The following XIRP2 variants were observed in gnomAD, a reference collection of about 807,000 sequenced individuals.
XIRP2 encodes xin actin binding repeat containing 2, also known as xin actin-binding repeat-containing protein 2.
A neutral mutation model predicts 277.0 loss-of-function variants in XIRP2; 236 were observed. That is an observed-to-expected ratio of 0.85 (90% CI 0.77 to 0.95). XIRP2 has a LOEUF of 0.95. Ranked by LOEUF, XIRP2 falls within the 40% of genes least tolerant of loss-of-function variation. XIRP2 has a pLI of 0.00. For missense variants in XIRP2, 4,640 were observed against 4,157.5 expected (o/e 1.12, Z -3.19); for synonymous variants, 1,490 against 1,416.5 (o/e 1.05, Z -1.17).
In XIRP2 at chr2:167,244,559, A is replaced by G. The variant is rs377613730; in HGVS notation, c.3167A>G (p.Lys1056Arg). The G allele has an allele frequency of 3.1e-6, 5 of 1,612,818 alleles. No individual in the cohort carries two copies. The highest frequency in any genetic ancestry group is 4.2e-6 in the Non-Finnish European group (5 of 1,179,572). ...EIQTGNVKSA[K>R]WLFETQPLDS... ...CAGACTGGAAATGTGAAATCTGCCA[A>G]ATGGTTGTTTGAAACCCAACCTCTT... Residue 1056 changes from lysine to arginine, a missense_variant, in exon 9 of 11, where the codon AAA becomes AGA. Transcript: ENST00000409195.
chr2:167,139,925 G>C lies in XIRP2; in HGVS notation c.562+3863G>C, dbSNP rs16853010. ...GTAAATCGTCATGATATTGGAAGCT[G>C]ACATTCGTCCAATGAGCTGTCTACC... On this transcript the variant is annotated intron_variant, in intron 3 of 10. Coordinates refer to ENST00000409195, the MANE Select transcript of XIRP2 (RefSeq NM_152381.6). Among the ~76,000 whole-genome samples the C allele has an allele frequency of 7.2e-3, 1,097 of 152,280 alleles. 15 individuals carry two copies. Among genetic ancestry groups the C allele is most frequent in the African/African-American group, 0.025 (1,038 of 41,560 alleles).
At chr2:167,214,134 G>GAAGGAAGGAAGGAAGGAAGC (rs376588444) in intron 4 of XIRP2, among the ~76,000 whole-genome samples, 4 of 112,102 alleles carry the variant, frequency 3.6e-5, no homozygotes, top group African/African-American at 4.2e-5. Flanking sequence ...AGGAAGGAAG[G>GAAGGAAGGAAGGAAGGAAGC]AAGCAAAGAG....
At chr2:167,077,075 C>T (rs1205088762) in intron 2 of XIRP2, among the ~76,000 whole-genome samples, 2 of 152,144 alleles carry the variant, frequency 1.3e-5, no homozygotes, top group Admixed American at 1.3e-4. Flanking sequence ...TGCTCACAAA[C>T]TCCTGAGCTC....
At chr2:167,240,766 C>A in intron 7 of XIRP2, 30 bp downstream of exon 7, 1 of 1,565,578 alleles carries the variant, frequency 6.4e-7, no homozygotes, top group Non-Finnish European at 8.8e-7. Flanking sequence ...GGTTCCAATA[C>A]TCCTTTCTCC....
At position 167,251,126 on chromosome 2, in the gene XIRP2, A is replaced by G. The variant is rs753011688; in HGVS notation, c.9734A>G (p.Asn3245Ser). The change falls in exon 9 of 11, where the codon AAT becomes AGT. Residue 3245 changes from asparagine to serine, a missense_variant. Physicochemically the swap from Asn to Ser is conservative, Grantham distance 46. Transcript: ENST00000409195. The stretch of plus-strand genomic sequence containing the variant: ...ACAATCACAATACCAGTAAATATAA[A>G]TCATGCTGCTAGTGGTTCCTTCAGA... ...PPTITIPVNI[N>S]HAASGSFRES... The G allele has an allele frequency of 6.2e-7, 1 of 1,613,510 alleles. No homozygotes were observed. Among genetic ancestry groups the G allele is most frequent in the South Asian group, 1.1e-5 (1 of 91,084 alleles).
In XIRP2 at chr2:167,250,143, G is replaced by A. The variant is rs1382007672; in HGVS notation, c.8751G>A (p.Lys2917=). Residue 2917 remains lysine (K), a synonymous_variant, in exon 9 of 11, where the codon AAG becomes AAA. Transcript: ENST00000409195. ...TCTTCTCTAATACTAAAGATTCAAAGCAAGAGATTACACAGAACAAATCTT... is the reference window on the plus strand; with the variant it reads ...TCTTCTCTAATACTAAAGATTCAAAACAAGAGATTACACAGAACAAATCTT... ...KQVFSNTKDS[K]QEITQNKSFF... The A allele has an allele frequency of 5.0e-6, 8 of 1,613,052 alleles. No homozygotes were observed. Among genetic ancestry groups the A allele is most frequent in the Non-Finnish European group, 6.8e-6 (8 of 1,179,596 alleles).
chr2:166,904,481 G>A (rs1362025973), intron 2 of XIRP2, among the ~76,000 whole-genome samples: 1 of 152,124 alleles, frequency 6.6e-6, no homozygotes, highest in East Asian at 1.9e-4. Flanking sequence ...TTTGTGGTAG[G>A]TGATGATCAT....
intron 2 of XIRP2, among the ~76,000 whole-genome samples, chr2:166,934,911 G>C (rs1574091485): frequency 2.0e-5 from 3 of 152,026 alleles, no homozygotes; most frequent in Admixed American, 2.0e-4. Flanking sequence ...CACACCTGTA[G>C]TCTCAGCTAG....
At chr2:166,996,230 C>T (rs951436255) in intron 2 of XIRP2, among the ~76,000 whole-genome samples, 2 of 152,138 alleles carry the variant, frequency 1.3e-5, no homozygotes, top group East Asian at 1.9e-4. Context: ...ACTAGTAAAT[C>T]GAAAGAGGAT....
intron 2 of XIRP2, among the ~76,000 whole-genome samples, chr2:166,940,305 T>C (rs527615173): frequency 2.6e-5 from 4 of 152,372 alleles, no homozygotes; most frequent in African/African-American, 9.6e-5. Context: ...ATCATGTCAT[T>C]TAATGACTTC....
intron 3 of XIRP2, among the ~76,000 whole-genome samples, chr2:167,149,313 G>A (rs940190176): frequency 1.3e-5 from 2 of 152,000 alleles, no homozygotes; most frequent in Non-Finnish European, 2.9e-5. Flanking sequence ...CTTTCAACTG[G>A]GGTCTCAAAA....
At chr2:167,233,335 A>G (rs958027023) in intron 5 of XIRP2, among the ~76,000 whole-genome samples, 2 of 151,974 alleles carry the variant, frequency 1.3e-5, no homozygotes, top group Non-Finnish European at 2.9e-5. Context: ...TAAGGCAATC[A>G]AGAGCCATTG....
At chr2:166,945,583 A>C (rs1438009545) in intron 2 of XIRP2, among the ~76,000 whole-genome samples, 3 of 151,976 alleles carry the variant, frequency 2.0e-5, no homozygotes, top group Non-Finnish European at 4.4e-5. Context: ...GATTTGGTAT[A>C]AGAGGACTAA....
At chr2:166,903,922 A>G (rs1684451755) in intron 2 of XIRP2, 32 bp downstream of exon 2, 1 of 1,585,840 alleles carries the variant, frequency 6.3e-7, no homozygotes, top group South Asian at 1.1e-5. Context: ...GTCTATGTTT[A>G]CATATGACTT....
chr2:166,987,122 A>G (rs975704762), intron 2 of XIRP2, among the ~76,000 whole-genome samples: 6 of 152,150 alleles, frequency 3.9e-5, no homozygotes, highest in African/African-American at 1.4e-4. Flanking sequence ...CATCTAGCTC[A>G]TGTCAGCAAT....
rs775012997 is a variant in XIRP2, at chr2:167,248,500, C to T, written c.7108C>T (p.Pro2370Ser). ...SSMFLPPPPPPTPSQKPAHLL... is the reference protein window; with the variant it reads ...SSMFLPPPPPSTPSQKPAHLL... Reference sequence around the variant, plus strand: ...GATGTTTCTGCCGCCTCCTCCTCCTCCAACTCCATCTCAAAAGCCAGCACA... The same window carrying T: ...GATGTTTCTGCCGCCTCCTCCTCCTTCAACTCCATCTCAAAAGCCAGCACA... The change falls in exon 9 of 11, where the codon CCA (proline) becomes TCA (serine). Residue 2370 changes from proline (P) to serine (S), a missense_variant. Coordinates refer to ENST00000409195, the MANE Select transcript of XIRP2 (RefSeq NM_152381.6). 1.9e-6 allele frequency: 3 copies of T among 1,613,752 alleles called. No homozygotes were observed. The highest frequency in any genetic ancestry group is 2.5e-6 in the Non-Finnish European group (3 of 1,179,814).
Position 167,243,783 on chromosome 2 carries a change from G to GTCC in XIRP2, c.2391_2392insTCC (p.Met797_Glu798insSer), listed in dbSNP as rs1695156112. 3 of 1,613,890 alleles carry GTCC rather than the reference G, an allele frequency of 1.9e-6. No individual in the cohort carries two copies. Among genetic ancestry groups the GTCC allele is most frequent in the Non-Finnish European group, 2.5e-6 (3 of 1,179,960 alleles). The stretch of plus-strand genomic sequence containing the variant: ...TTAAAGTTGTCCGAGGAATATCCAT[G>GTCC]GAAGAAAATGTCAAAGGTGGGGTGA... On this transcript the variant is annotated inframe_insertion, in exon 9 of 11. Coordinates refer to ENST00000409195, the MANE Select transcript of XIRP2 (RefSeq NM_152381.6).
chr2:167,174,381 G>T (rs189404245), intron 3 of XIRP2, among the ~76,000 whole-genome samples: 1 of 152,248 alleles, frequency 6.6e-6, no homozygotes, highest in East Asian at 1.9e-4. Context: ...ATTTCATCTA[G>T]ATTTTTTATT....
intron 2 of XIRP2, among the ~76,000 whole-genome samples, chr2:167,064,405 C>A (rs568833150): frequency 3.3e-5 from 5 of 151,904 alleles, no homozygotes; most frequent in African/African-American, 4.8e-5. Flanking sequence ...TTAATCCTTT[C>A]TTTATGTGAT....
Sources: gnomAD v4.1 joint callset for allele counts (sites outside exome capture counted in the v4.1 genomes callset) on GRCh38, gnomAD v4.1.1 for gene constraint, MANE v1.5 for transcripts, NCBI Gene and HGNC (gene_info 2026-07-23, HGNC 2026-07-21) for gene names.